RAB37: variants seen among roughly 807,000 people sequenced by gnomAD.
RAB37 encodes the protein RAB37, member RAS oncogene family, also known as ras-related protein Rab-37.
A neutral mutation model predicts 33.1 loss-of-function variants in RAB37; 29 were observed. The observed-to-expected ratio is 0.88, with a 90% confidence interval of 0.65 to 1.20. The LOEUF (loss-of-function observed/expected upper bound fraction) is 1.20. Ranked by LOEUF, RAB37 falls within the 50% of genes most tolerant of loss-of-function variation. The pLI is 0.00. For synonymous variants in RAB37, 128 were observed against 119.5 expected (o/e 1.07, Z -0.47); for missense variants, 299 against 301.1 (o/e 0.99, Z 0.05).
At chr17:74,718,241 C>G (rs1256666646) in intron 1 of RAB37, among the ~76,000 whole-genome samples, 1 of 152,112 alleles carries the variant, frequency 6.6e-6, no homozygotes, top group African/African-American at 2.4e-5. Context: ...TTGCAGTGAG[C>G]CAAGATCGTG....
At chr17:74,690,961 G>A (rs1435779145) in intron 1 of RAB37, among the ~76,000 whole-genome samples, 1 of 152,144 alleles carries the variant, frequency 6.6e-6, no homozygotes, top group Non-Finnish European at 1.5e-5. Flanking sequence ...TTCTGTCACC[G>A]AAGCTGGAGT....
intron 1 of RAB37, among the ~76,000 whole-genome samples, chr17:74,719,268 T>A (rs2034207757): frequency 6.6e-6 from 1 of 151,878 alleles, no homozygotes; most frequent in Admixed American, 6.6e-5. Flanking sequence ...GGAAACATGG[T>A]GAAACCCCAA....
At chr17:74,680,210 A>G (rs1020422270) in intron 1 of RAB37, among the ~76,000 whole-genome samples, 2 of 152,048 alleles carry the variant, frequency 1.3e-5, no homozygotes, top group Non-Finnish European at 2.9e-5. Context: ...ATTTGCCTAT[A>G]GTCAAATCCA....
chr17:74,726,053 AGTGAAACCCT>A (rs1437914271), intron 1 of RAB37, among the ~76,000 whole-genome samples: 5 of 151,866 alleles, frequency 3.3e-5, no homozygotes, highest in African/African-American at 1.2e-4. Flanking sequence ...TGGCTAACAC[AGTGAAACCCT>A]GTCTCTACTA....
chr17:74,740,210 C>G (rs1299951336), intron 1 of RAB37, among the ~76,000 whole-genome samples: 3 of 141,922 alleles, frequency 2.1e-5, no homozygotes, highest in African/African-American at 7.8e-5. Flanking sequence ...TGTTGTGACA[C>G]AAAAAAAAAA....
chr17:74,720,940 C>G (rs1394130294), intron 1 of RAB37, among the ~76,000 whole-genome samples: 1 of 152,254 alleles, frequency 6.6e-6, no homozygotes, highest in Admixed American at 6.5e-5. Context: ...TTCCCTGAAG[C>G]CTGGCTGGAG....
At position 74,676,174 on chromosome 17, in the gene RAB37, C is replaced by T. The variant is rs2031828474; in HGVS notation, c.72+4516C>T. 6.6e-6 allele frequency among the ~76,000 whole-genome samples: 1 copy of T among 152,144 alleles called. No homozygotes were observed. Among genetic ancestry groups the T allele is most frequent in the Non-Finnish European group, 1.5e-5 (1 of 68,024 alleles). On this transcript the variant is annotated intron_variant, in intron 1 of 7. Transcript: ENST00000340415. The surrounding 1 kb of genome is among the most constrained non-coding windows in gnomAD (Gnocchi z 4.1). ...TTTCATTTCATTTTCACAGAGAGGG[C>T]AAGCTTTTGCCCCAGATACCAGTGA...
intron 1 of RAB37, among the ~76,000 whole-genome samples, chr17:74,706,256 T>TA (rs1338028427): frequency 8.4e-5 from 11 of 131,202 alleles, no homozygotes; most frequent in African/African-American, 3.2e-4. Context: ...ACTCTAAAAA[T>TA]AAAAAACATT....
At chr17:74,695,718 G>T in intron 1 of RAB37, 1 of 1,614,112 alleles carries the variant, frequency 6.2e-7, no homozygotes, top group South Asian at 1.1e-5. Context: ...CCCCATGGAG[G>T]ACGCACCATG....
chr17:74,702,892 G>C, intron 1 of RAB37: 1 of 660,390 alleles, frequency 1.5e-6, no homozygotes, highest in Non-Finnish European at 2.7e-6. Context: ...GACAGCAAGT[G>C]GGAAGGGCTC....
chr17:74,703,171 A>T lies in RAB37; in HGVS notation c.73-26085A>T, dbSNP rs2033218881. On this transcript the variant is annotated intron_variant, in intron 1 of 7. Coordinates refer to the RAB37 transcript ENST00000340415. ...GTAGTTGATGCTTGGTGTATAAACC[A>T]GATCACAGATGCCCCTGCCCATGAG... is the stretch of plus-strand genomic sequence containing the variant. 2.5e-6 allele frequency: 4 copies of T among 1,585,264 alleles called. No individual in the cohort carries two copies. In the East Asian group the frequency reaches 9.0e-5, roughly 35 times the overall value.
At position 74,717,372 on chromosome 17, in the gene RAB37, G is replaced by C. The variant is rs570117987; in HGVS notation, c.73-11884G>C. On this transcript the variant is annotated intron_variant, in intron 1 of 7. Coordinates refer to the RAB37 transcript ENST00000340415. ...AGAAAAATAGGCGTCTCCAAAGAGT[G>C]AGTCTGAAAGTTTGTGTCTCTCGAA... 2.0e-5 allele frequency among the ~76,000 whole-genome samples: 3 copies of C among 152,304 alleles called. No homozygotes were observed. The East Asian group carries it at 5.8e-4, about 29-fold the overall frequency.
chr17:74,693,726 C>T (rs900903561), intron 1 of RAB37, among the ~76,000 whole-genome samples: 2 of 152,014 alleles, frequency 1.3e-5, no homozygotes, highest in Non-Finnish European at 2.9e-5. Context: ...GCCAGGAGTT[C>T]GAGACCAGCC....
intron 1 of RAB37, among the ~76,000 whole-genome samples, chr17:74,682,275 A>G (rs2031969949): frequency 6.6e-6 from 1 of 152,110 alleles, no homozygotes. Flanking sequence ...TGCAGCTGAC[A>G]TCGAGCTCAG....
rs1290711788 is a variant in RAB37, at chr17:74,742,276, G to A, written c.227G>A (p.Gly76Asp). The change falls in exon 3 of 9, where the codon GGC (glycine) becomes GAC (aspartate). Residue 76 changes from glycine (G) to aspartate (D), a missense_variant. Coordinates refer to ENST00000392613, the MANE Select transcript of RAB37 (RefSeq NM_001006638.3). The surrounding 1 kb of genome is among the most constrained non-coding windows in gnomAD (Gnocchi z 4.0). ...CAGAACAAGGTGGTGACTGTGGATG[G>A]CGTGAGAGTGAAGCTGCAGGTGAGA... ...DFRNKVVTVD[G>D]VRVKLQIWDT... 1 of 1,613,282 alleles carries A rather than the reference G, an allele frequency of 6.2e-7. No homozygotes were observed. The highest frequency in any genetic ancestry group is 2.2e-5 in the East Asian group (1 of 44,848).
chr17:74,725,432 G>A (rs1188048433), intron 1 of RAB37, among the ~76,000 whole-genome samples: 1 of 152,150 alleles, frequency 6.6e-6, no homozygotes, highest in Admixed American at 6.5e-5. Context: ...GGGGAAAAGT[G>A]CAGTCAGTCT....
chr17:74,713,190 A>G (rs2034085905), intron 1 of RAB37, among the ~76,000 whole-genome samples: 1 of 152,036 alleles, frequency 6.6e-6, no homozygotes, highest in African/African-American at 2.4e-5. Flanking sequence ...CTGTAGTCCC[A>G]GCTACTCAGG....
chr17:74,729,171 G>C lies in RAB37; in HGVS notation c.73-85G>C. On this transcript the variant is annotated intron_variant, in intron 1 of 7. Transcript: ENST00000340415. This position sits in a 1 kb window ranked among gnomAD's most constrained non-coding sequence, Gnocchi z 4.2. ...TGTTGTGCACATGCGTGCTTAGAAAGAATCCACTCCCACAGCCACAAGGAC... is the reference window on the plus strand; with the variant it reads ...TGTTGTGCACATGCGTGCTTAGAAACAATCCACTCCCACAGCCACAAGGAC... The C allele has an allele frequency of 1.1e-6, 1 of 892,192 alleles. No individual in the cohort carries two copies. The highest frequency in any genetic ancestry group is 2.2e-4 in the Middle Eastern group (1 of 4,646). 55.3% of individuals were successfully genotyped at this position (892,192 alleles called of 1,614,324 possible).
At chr17:74,688,645 A>AT (rs2032101330) in intron 1 of RAB37, among the ~76,000 whole-genome samples, 1 of 152,170 alleles carries the variant, frequency 6.6e-6, no homozygotes, top group East Asian at 1.9e-4. Flanking sequence ...GTAAAAAAAA[A>AT]GAGAACGGTT....
Sources: gnomAD v4.1 joint callset for allele counts (sites outside exome capture counted in the v4.1 genomes callset) on GRCh38, gnomAD v4.1.1 for gene constraint, Gnocchi (gnomAD v3.1) non-coding constraint, MANE v1.5 for transcripts, NCBI Gene and HGNC (gene_info 2026-07-23, HGNC 2026-07-21) for gene names.